The following BRWD3 variants were observed in gnomAD, a reference collection of about 807,000 sequenced individuals.
The protein encoded by BRWD3 is bromodomain and WD repeat-containing protein 3.
A neutral mutation model predicts 149.7 loss-of-function variants in BRWD3; 10 were observed. That is an observed-to-expected ratio of 0.07 (90% CI 0.04 to 0.11). The LOEUF is 0.11. BRWD3 is among the 10% of genes least tolerant of loss of function. BRWD3 has a pLI of 1.00. For synonymous variants in BRWD3, 504 were observed against 456.7 expected, an observed-to-expected ratio of 1.10 and a Z score of -1.32; for missense variants, 940 against 1,373.2, an observed-to-expected ratio of 0.68 and a Z score of 4.99.
At chrX:80,713,194 C>G (rs1214461517) in intron 20 of BRWD3, among the ~76,000 whole-genome samples, 5 of 110,909 alleles carry the variant, frequency 4.5e-5, no homozygotes, top group South Asian at 3.9e-4. Flanking sequence ...GAGGTGTACC[C>G]AACAGCTCAT....
chrX:80,725,942 T>C (rs769749780), intron 14 of BRWD3, among the ~76,000 whole-genome samples: 8 of 111,596 alleles, frequency 7.2e-5, no homozygotes, highest in East Asian at 2.9e-4. Context: ...TGTTTACATG[T>C]TACATGTCTA....
chrX:80,750,543 T>C (rs2073651983), intron 6 of BRWD3, among the ~76,000 whole-genome samples: 1 of 111,278 alleles, frequency 9.0e-6, no homozygotes, highest in Admixed American at 9.6e-5. Flanking sequence ...TTCACACCTG[T>C]TAGAATGGGT....
intron 22 of BRWD3, 84 bp from the exon 23 acceptor site, chrX:80,704,930 A>G (rs1166886189): frequency 1.8e-5 from 17 of 954,228 alleles, no homozygotes; most frequent in Non-Finnish European, 2.4e-5. Flanking sequence ...TCTGTAAGCA[A>G]ACAGCATTAT....
chrX:80,751,527 C>A (rs769435592), intron 6 of BRWD3, among the ~76,000 whole-genome samples: 17 of 112,166 alleles, frequency 1.5e-4, no homozygotes, highest in African/African-American at 5.5e-4. Context: ...CAAAGAAACA[C>A]AGCTAAGTAC....
chrX:80,790,611 G>A (rs187567106), intron 6 of BRWD3, among the ~76,000 whole-genome samples: 59 of 110,970 alleles, frequency 5.3e-4, no homozygotes, highest in African/African-American at 1.8e-3. Flanking sequence ...GCAGAAGTTT[G>A]AAAGTATATG....
intron 6 of BRWD3, among the ~76,000 whole-genome samples, chrX:80,757,536 C>A (rs942366641): frequency 6.2e-5 from 7 of 112,096 alleles, no homozygotes; most frequent in Non-Finnish European, 1.3e-4. Context: ...AATTCTTTAG[C>A]AATGTTGAAT....
intron 11 of BRWD3, among the ~76,000 whole-genome samples, chrX:80,733,741 G>A (rs1236685927): frequency 9.0e-6 from 1 of 110,735 alleles, no homozygotes; most frequent in East Asian, 2.8e-4. Context: ...ATAGATATTA[G>A]TTTATTATGT....
chrX:80,719,345 C>G, intron 18 of BRWD3, 144 bp downstream of exon 18: 1 of 512,601 alleles, frequency 2.0e-6, no homozygotes, highest in Non-Finnish European at 3.0e-6. Context: ...GATTATGAGA[C>G]TTCAATATAT....
intron 40 of BRWD3, 132 bp downstream of exon 40, chrX:80,681,209 T>C: frequency 1.6e-6 from 1 of 626,311 alleles, no homozygotes; most frequent in East Asian, 3.4e-5. Flanking sequence ...ATCTGACTCA[T>C]ATGTGACAGA....
At chrX:80,775,515 A>C (rs1352610027) in intron 6 of BRWD3, among the ~76,000 whole-genome samples, 1 of 112,134 alleles carries the variant, frequency 8.9e-6, no homozygotes, top group Non-Finnish European at 1.9e-5. Flanking sequence ...CAGAAATCAG[A>C]GGATGGAAAC....
chrX:80,774,953 C>T (rs1049041588), intron 6 of BRWD3, among the ~76,000 whole-genome samples: 19 of 111,947 alleles, frequency 1.7e-4, no homozygotes, highest in African/African-American at 5.2e-4. Flanking sequence ...AAATAAAATT[C>T]TCATCATATG....
At chrX:80,706,940 T>A (rs1170730290) in intron 22 of BRWD3, among the ~76,000 whole-genome samples, 1 of 112,728 alleles carries the variant, frequency 8.9e-6, no homozygotes, top group Non-Finnish European at 1.9e-5. Flanking sequence ...GTAACATAGT[T>A]GTTTATTAAG....
chrX:80,767,138 T>A (rs902728841), intron 6 of BRWD3, among the ~76,000 whole-genome samples: 1 of 111,679 alleles, frequency 9.0e-6, no homozygotes, highest in Non-Finnish European at 1.9e-5. Flanking sequence ...CCACCTCAGC[T>A]CAGCAAGAAA....
At position 80,745,562 on chromosome X, in the gene BRWD3, C is replaced by G; in HGVS notation, c.591+7G>C. 1 of 1,200,591 alleles carries G rather than the reference C, an allele frequency of 8.3e-7. No homozygotes were observed. The highest frequency in any genetic ancestry group is 3.0e-5 in the East Asian group (1 of 33,459). ...ATATGTTACCATATTATAAATTTTA[C>G]ACTCACTGTAAAAATTCTTCTCCCG... is the stretch of plus-strand genomic sequence containing the variant. On this transcript the variant is annotated splice_region_variant and intron_variant, in intron 7 of 40. Coordinates refer to ENST00000373275, the MANE Select transcript of BRWD3 (RefSeq NM_153252.5).
chrX:80,692,981 T>A lies in BRWD3; in HGVS notation c.3222A>T (p.Gln1074His). Residue 1074 changes from glutamine to histidine, a missense_variant, in exon 28 of 41, where the codon CAA becomes CAT. Gln to His is a conservative substitution (Grantham distance 24). Transcript: ENST00000373275. ...GGAAAGAACTATCAGGATACTCTGG[T>A]TGAAAAGGCTGCTGACTCTCCACAG... is the stretch of plus-strand genomic sequence containing the variant. ...FGTVESQQPF[Q>H]PEYPDSSFQC... The A allele has an allele frequency of 8.3e-7, 1 of 1,211,218 alleles. No homozygotes were observed. Among genetic ancestry groups the A allele is most frequent in the Non-Finnish European group, 1.1e-6 (1 of 894,889 alleles).
chrX:80,703,469 G>C lies in BRWD3; in HGVS notation c.2835+11C>G. Reference sequence around the variant, plus strand: ...GCTCCACAGAAAAAGGTTATAACAGGTAATAATTACCTCATCTCCCATTTG... The same window carrying C: ...GCTCCACAGAAAAAGGTTATAACAGCTAATAATTACCTCATCTCCCATTTG... On this transcript the variant is annotated intron_variant, in intron 24 of 40. Coordinates refer to ENST00000373275, the MANE Select transcript of BRWD3 (RefSeq NM_153252.5). The C allele has an allele frequency of 8.7e-7, 1 of 1,146,826 alleles. No individual in the cohort carries two copies. The highest frequency in any genetic ancestry group is 1.9e-5 in the South Asian group (1 of 53,296). 94.5% of individuals were successfully genotyped at this position (1,146,826 alleles called of 1,213,427 possible).
At chrX:80,801,686 C>T (rs1475445166) in intron 4 of BRWD3, among the ~76,000 whole-genome samples, 1 of 108,257 alleles carries the variant, frequency 9.2e-6, no homozygotes, top group African/African-American at 3.4e-5. Context: ...ACTAAAAATA[C>T]AAAAAATTAC....
intron 6 of BRWD3, among the ~76,000 whole-genome samples, chrX:80,747,936 TTG>T (rs2073615658): frequency 8.9e-6 from 1 of 111,925 alleles, no homozygotes; most frequent in Admixed American, 9.5e-5. Flanking sequence ...TCATTTTCAT[TTG>T]TTTCTTTCAT....
chrX:80,683,808 C>G (rs905524224), intron 37 of BRWD3, among the ~76,000 whole-genome samples: 3 of 110,757 alleles, frequency 2.7e-5, no homozygotes, highest in African/African-American at 9.8e-5. Context: ...TGTTTTTTCT[C>G]TGGTACCTAT....
Sources: allele counts gnomAD v4.1 joint callset (sites outside exome capture counted in the v4.1 genomes callset), GRCh38; gene constraint gnomAD v4.1.1; transcripts MANE v1.5; gene names NCBI Gene and HGNC (gene_info 2026-07-23, HGNC 2026-07-21).